CNTN5: variants seen among roughly 807,000 people sequenced by gnomAD.
CNTN5 encodes the protein contactin-5.
Under a neutral mutation model 129.1 loss-of-function variants are expected in CNTN5, and 77 were observed. The ratio of observed to expected loss-of-function variants is 0.60; its 90% CI spans 0.50 to 0.72. CNTN5 has a LOEUF of 0.72. CNTN5 is among the 30% of genes least tolerant of loss of function. The pLI is 0.00. For missense variants in CNTN5, 1,478 were observed against 1,328.8 expected, an observed-to-expected ratio of 1.11 and a Z score of -1.75; for synonymous variants, 509 against 465.6, an observed-to-expected ratio of 1.09 and a Z score of -1.20.
At chr11:100,107,822 A>C (rs1290318474) in intron 13 of CNTN5, among the ~76,000 whole-genome samples, 4 of 152,066 alleles carry the variant, frequency 2.6e-5, no homozygotes, top group African/African-American at 7.2e-5. Context: ...ATGTATACAC[A>C]TACATTTTAA....
chr11:100,235,470 G>A (rs1949591883), intron 16 of CNTN5, among the ~76,000 whole-genome samples: 1 of 152,128 alleles, frequency 6.6e-6, no homozygotes, highest in Admixed American at 6.5e-5. Context: ...GAGGGAGGAG[G>A]AGGCGGTAAG....
Position 100,357,220 on chromosome 11 carries a change from T to C in CNTN5, c.*1000T>C, listed in dbSNP as rs1191318132. On this transcript the variant is annotated 3_prime_UTR_variant, in exon 25 of 25. Coordinates refer to ENST00000524871, the MANE Select transcript of CNTN5 (RefSeq NM_014361.4). Reference sequence around the variant, plus strand: ...AGTCTGTAGATTAAAATGGTTCAAGTATAACAAATAAGTTTTGATTTTTAA... The same window carrying C: ...AGTCTGTAGATTAAAATGGTTCAAGCATAACAAATAAGTTTTGATTTTTAA... 6.6e-6 allele frequency: 1 copy of C among 151,806 alleles called. No homozygotes were observed. The highest frequency in any genetic ancestry group is 1.5e-5 in the Non-Finnish European group (1 of 67,772). The allele number at this position is 151,806 out of a possible 1,614,324, so 9.4% of individuals were successfully genotyped here.
Position 99,092,845 on chromosome 11 carries a change from T to C in CNTN5, c.-210+71575T>C, listed in dbSNP as rs1468509877. On this transcript the variant is annotated intron_variant, in intron 1 of 24. Coordinates refer to ENST00000524871, the MANE Select transcript of CNTN5 (RefSeq NM_014361.4). ...TTGTAGCTATATCTGGGTGGTGTTATTATGGTTTATGTTTGTTGTACCCTT... is the reference window on the plus strand; with the variant it reads ...TTGTAGCTATATCTGGGTGGTGTTACTATGGTTTATGTTTGTTGTACCCTT... Among the ~76,000 whole-genome samples, 4 of 152,196 alleles carry C rather than the reference T, an allele frequency of 2.6e-5. No homozygotes were observed. In the East Asian group the frequency reaches 5.8e-4, roughly 22 times the overall value.
intron 1 of CNTN5, among the ~76,000 whole-genome samples, chr11:99,024,438 T>A (rs1863020058): frequency 6.6e-6 from 1 of 152,128 alleles, no homozygotes; most frequent in Non-Finnish European, 1.5e-5. Flanking sequence ...GGTTTTACAA[T>A]GGATTTCTTT....
chr11:100,207,836 T>C (rs980862618), intron 15 of CNTN5, among the ~76,000 whole-genome samples: 19 of 152,198 alleles, frequency 1.2e-4, no homozygotes, highest in African/African-American at 4.3e-4. Flanking sequence ...AGCTCTACCA[T>C]GTTAAACTGC....
intron 3 of CNTN5, among the ~76,000 whole-genome samples, chr11:99,729,370 G>T (rs887160958): frequency 6.6e-6 from 1 of 151,990 alleles, no homozygotes; most frequent in Non-Finnish European, 1.5e-5. Flanking sequence ...ATGTCACGGG[G>T]GTTCGTTGTA....
intron 3 of CNTN5, among the ~76,000 whole-genome samples, chr11:99,637,771 A>G (rs984235493): frequency 6.6e-6 from 1 of 151,532 alleles, no homozygotes; most frequent in African/African-American, 2.4e-5. Flanking sequence ...ATTTGTCTCT[A>G]CTTATTACTT....
At chr11:99,568,788 C>G (rs563881300) in intron 3 of CNTN5, among the ~76,000 whole-genome samples, 1 of 152,164 alleles carries the variant, frequency 6.6e-6, no homozygotes, top group Non-Finnish European at 1.5e-5. Flanking sequence ...TTTATTTTAG[C>G]TCTTTGAGAA....
chr11:99,951,538 T>C (rs17619287), intron 7 of CNTN5, among the ~76,000 whole-genome samples: 24,490 of 152,064 alleles, frequency 0.16, 2,083 homozygotes, highest in Middle Eastern at 0.21. Context: ...GGCAAATAAT[T>C]GGTCATCCAT....
intron 9 of CNTN5, among the ~76,000 whole-genome samples, chr11:100,051,805 C>A (rs1942967227): frequency 6.6e-6 from 1 of 151,708 alleles, no homozygotes; most frequent in African/African-American, 2.4e-5. Flanking sequence ...TACAGGAAGG[C>A]AATGTTAACT....
intron 7 of CNTN5, among the ~76,000 whole-genome samples, chr11:99,951,125 A>C (rs923914976): frequency 5.3e-5 from 8 of 152,124 alleles, no homozygotes; most frequent in Admixed American, 6.5e-5. Flanking sequence ...CCTAAAGGTC[A>C]TGTAGTTAGT....
intron 9 of CNTN5, among the ~76,000 whole-genome samples, chr11:100,031,332 G>T (rs184638207): frequency 6.6e-6 from 1 of 152,304 alleles, no homozygotes; most frequent in East Asian, 1.9e-4. Context: ...CGCATGATGT[G>T]CTTCCCCCTG....
intron 1 of CNTN5, among the ~76,000 whole-genome samples, chr11:99,102,247 TTG>T (rs577694662): frequency 6.9e-4 from 105 of 152,062 alleles, no homozygotes; most frequent in Non-Finnish European, 1.2e-3. Context: ...CATAGGCCTC[TTG>T]GTCAGTGATG....
chr11:99,766,557 T>C (rs1182223592), intron 3 of CNTN5, among the ~76,000 whole-genome samples: 1 of 152,034 alleles, frequency 6.6e-6, no homozygotes, highest in Non-Finnish European at 1.5e-5. Flanking sequence ...GACTACCCCT[T>C]ATCAAAAGAG....
At chr11:100,137,673 G>A (rs1464421326) in intron 13 of CNTN5, among the ~76,000 whole-genome samples, 2 of 152,032 alleles carry the variant, frequency 1.3e-5, no homozygotes, top group African/African-American at 4.8e-5. Flanking sequence ...TTGAGAACTT[G>A]GGCAAGTCAG....
intron 23 of CNTN5, among the ~76,000 whole-genome samples, chr11:100,349,145 G>GA (rs1449375020): frequency 1.3e-5 from 2 of 151,458 alleles, no homozygotes; most frequent in Non-Finnish European, 1.5e-5. Flanking sequence ...AAAATTAAAT[G>GA]AAAAAAAAGA....
chr11:99,221,347 T>A (rs912980319), intron 1 of CNTN5, among the ~76,000 whole-genome samples: 1 of 152,066 alleles, frequency 6.6e-6, no homozygotes, highest in African/African-American at 2.4e-5. Flanking sequence ...AGGTAACAGA[T>A]GAAAAATTAT....
At chr11:99,181,254 G>A (rs1425695057) in intron 1 of CNTN5, among the ~76,000 whole-genome samples, 3 of 152,278 alleles carry the variant, frequency 2.0e-5, no homozygotes, top group South Asian at 2.1e-4. Context: ...ATTGCCACCC[G>A]TAGGATCCAC....
chr11:99,364,652 A>G (rs1939330818), intron 2 of CNTN5, among the ~76,000 whole-genome samples: 2 of 152,134 alleles, frequency 1.3e-5, no homozygotes, highest in South Asian at 2.1e-4. Context: ...GAAAAAATTG[A>G]TTGAAAATTT....
Sources: allele counts gnomAD v4.1 joint callset (sites outside exome capture counted in the v4.1 genomes callset), GRCh38; gene constraint gnomAD v4.1.1; transcripts MANE v1.5; gene names NCBI Gene and HGNC (gene_info 2026-07-23, HGNC 2026-07-21).